TRIM37: variants seen among roughly 807,000 people sequenced by gnomAD.
TRIM37 encodes the protein E3 ubiquitin-protein ligase TRIM37.
In TRIM37, 80 loss-of-function variants were observed where a neutral mutation model predicts 129.8. The ratio of observed to expected loss-of-function variants is 0.62; its 90% CI spans 0.51 to 0.74. TRIM37 has a LOEUF of 0.74. Among genes scored for constraint, TRIM37 ranks in the 30% least tolerant of loss-of-function variants. The pLI, the probability that TRIM37 is intolerant of heterozygous loss-of-function variation, is 0.00. For synonymous variants in TRIM37, 389 were observed against 387.1 expected, an observed-to-expected ratio of 1.00 and a Z score of -0.06; for missense variants, 1,054 against 1,176.5, an observed-to-expected ratio of 0.90 and a Z score of 1.52.
intron 22 of TRIM37, among the ~76,000 whole-genome samples, chr17:59,002,599 C>G (rs1239665365): frequency 6.6e-6 from 1 of 152,080 alleles, no homozygotes; most frequent in African/African-American, 2.4e-5. Context: ...AGATAGCAAT[C>G]AAGAAAACCT....
rs137871131 is a variant in TRIM37 at position 58,988,222 on chromosome 17, G to A, written c.2892-5301C>T. Among the ~76,000 whole-genome samples the A allele has an allele frequency of 2.8e-3, 426 of 152,256 alleles. 2 individuals are homozygous for A. Among genetic ancestry groups the A allele is most frequent in the Middle Eastern group, 0.024 (7 of 294 alleles). On this transcript the variant is annotated intron_variant, in intron 24 of 24. Coordinates refer to the TRIM37 transcript ENST00000393066. The stretch of plus-strand genomic sequence containing the variant: ...GGGGCCTGCAGAAACTAGGGGAGTC[G>A]CCCTATCTTGCAGGCTTTTTCTTTA...
At chr17:59,017,759 AGATTACAGGC>A (rs1675296194) in intron 19 of TRIM37, among the ~76,000 whole-genome samples, 1 of 151,924 alleles carries the variant, frequency 6.6e-6, no homozygotes. Context: ...CGAGTAGCTC[AGATTACAGGC>A]ACTCGCCACC....
chr17:59,039,484 C>G (rs1455485039), intron 17 of TRIM37, among the ~76,000 whole-genome samples: 1 of 151,970 alleles, frequency 6.6e-6, no homozygotes, highest in African/African-American at 2.4e-5. Flanking sequence ...GTAGCTGGGA[C>G]TACAGGCGCC....
intron 18 of TRIM37, among the ~76,000 whole-genome samples, chr17:59,030,219 C>T (rs2037692240): frequency 6.6e-6 from 1 of 152,166 alleles, no homozygotes; most frequent in Admixed American, 6.5e-5. Flanking sequence ...CATTCTCCTG[C>T]CTCAGCTTCC....
Position 59,015,627 on chromosome 17 carries a change from C to T in TRIM37, c.2559G>A (p.Arg853=). 6.2e-7 allele frequency: 1 copy of T among 1,614,086 alleles called. No individual in the cohort carries two copies. The highest frequency in any genetic ancestry group is 8.5e-7 in the Non-Finnish European group (1 of 1,180,014). The change falls in exon 21 of 24, where the codon AGG becomes AGA. Residue 853 remains arginine (R), a synonymous_variant. Coordinates refer to ENST00000262294, the MANE Select transcript of TRIM37 (RefSeq NM_015294.6). The part of the protein sequence containing the change: ...FSGLPAVEKR[R]KMVTLGANAK... ...TAATTTACCCCAAGGTGACCATTTTCCTCCTTTTCTCAACCGCAGGCAAGC... is the reference window on the plus strand; with the variant it reads ...TAATTTACCCCAAGGTGACCATTTTTCTCCTTTTCTCAACCGCAGGCAAGC...
chr17:59,095,046 T>C (rs573810250), intron 2 of TRIM37, among the ~76,000 whole-genome samples: 1 of 151,938 alleles, frequency 6.6e-6, no homozygotes, highest in Non-Finnish European at 1.5e-5. Flanking sequence ...CAAGATACCA[T>C]CTCTACAATA....
chr17:58,977,214 G>A, the TRIM37 span, among the ~76,000 whole-genome samples: 1 of 152,068 alleles, frequency 6.6e-6, no homozygotes, highest in Admixed American at 6.6e-5. Flanking sequence ...AGAAGCCCAG[G>A]TGGGTAGATC....
At chr17:59,036,634 G>C (rs544374854) in intron 17 of TRIM37, among the ~76,000 whole-genome samples, 7 of 151,890 alleles carry the variant, frequency 4.6e-5, no homozygotes, top group Non-Finnish European at 2.9e-5. Context: ...AGCCAGTTGA[G>C]TCAATAAATA....
chr17:58,981,015 G>A (rs778281769), downstream of TRIM37: 1 of 1,590,294 alleles, frequency 6.3e-7, no homozygotes, highest in Non-Finnish European at 8.5e-7. Flanking sequence ...CTTCCTTGGA[G>A]CTATAAAATA....
chr17:58,999,124 T>C lies in TRIM37; in HGVS notation c.*253A>G. On this transcript the variant is annotated 3_prime_UTR_variant, in exon 24 of 24. Transcript: ENST00000262294. ...GCCTTTTGTGAATGTACAAATTTGCTAAATTAATAGAGAACTACATTGTTA... is the reference window on the plus strand; with the variant it reads ...GCCTTTTGTGAATGTACAAATTTGCCAAATTAATAGAGAACTACATTGTTA... The C allele has an allele frequency of 7.7e-7, 1 of 1,298,134 alleles. No individual in the cohort carries two copies. The highest frequency in any genetic ancestry group is 3.5e-5 in the East Asian group (1 of 28,294). 80.4% of individuals were successfully genotyped at this position (1,298,134 alleles called of 1,614,324 possible). A position where few individuals can be genotyped will look rare whatever the true frequency, so the allele number is the denominator to read the frequency against.
chr17:59,081,964 A>AAAAAAAAAAAAT (rs1568200247), intron 5 of TRIM37, among the ~76,000 whole-genome samples: 2 of 87,224 alleles, frequency 2.3e-5, no homozygotes. Flanking sequence ...AAAAAAAAAA[A>AAAAAAAAAAAAT]AATAATAATA....
At chr17:59,035,276 G>C (rs1040817743) in intron 17 of TRIM37, among the ~76,000 whole-genome samples, 1 of 151,704 alleles carries the variant, frequency 6.6e-6, no homozygotes, top group African/African-American at 2.4e-5. Context: ...GGCCAGGCTG[G>C]TCTTGAACTC....
the TRIM37 span, among the ~76,000 whole-genome samples, chr17:58,971,002 C>A: frequency 6.6e-6 from 1 of 151,914 alleles, no homozygotes; most frequent in African/African-American, 2.4e-5. Context: ...ACCATGTTTA[C>A]CTCATTTGTT....
chr17:59,037,532 C>T (rs950778234), intron 17 of TRIM37, among the ~76,000 whole-genome samples: 21 of 125,886 alleles, frequency 1.7e-4, no homozygotes, highest in South Asian at 5.3e-4. Context: ...CACTCCAGCC[C>T]GGGCAACAGA....
intron 16 of TRIM37, among the ~76,000 whole-genome samples, chr17:59,042,374 C>CAA (rs1409397122): frequency 2.4e-4 from 12 of 49,902 alleles, no homozygotes; most frequent in South Asian, 1.1e-3. Flanking sequence ...GACTCCATCT[C>CAA]AAAAAAAAAA....
intron 22 of TRIM37, among the ~76,000 whole-genome samples, chr17:59,009,915 CTAT>C (rs2035047464): frequency 6.6e-6 from 1 of 152,186 alleles, no homozygotes; most frequent in Admixed American, 6.5e-5. Flanking sequence ...CTTAGTATTA[CTAT>C]TATTTTTATT....
intron 18 of TRIM37, 87 bp downstream of exon 18, chr17:59,031,809 C>T (rs577117622): frequency 2.7e-5 from 36 of 1,342,492 alleles, no homozygotes; most frequent in African/African-American, 5.8e-5. Context: ...CCATGTTCCA[C>T]ACATAGCTGA....
rs935244400 is a variant in TRIM37, at chr17:58,992,723, A to C, written c.2891+6658T>G. ...TGGAACTTCCTTATGTAGGCATAAC[A>C]ATCATTGGCAATGAGTTGAACTGGG... On this transcript the variant is annotated intron_variant, in intron 24 of 24. Transcript: ENST00000393066. Among the ~76,000 whole-genome samples, 13 of 152,106 alleles carry C rather than the reference A, an allele frequency of 8.5e-5. 1 individual carries two copies. Among genetic ancestry groups the C allele is most frequent in the Admixed American group, 6.6e-4 (10 of 15,248 alleles).
chr17:58,972,332 A>G, the TRIM37 span: 6 of 1,530,602 alleles, frequency 3.9e-6, no homozygotes, highest in East Asian at 1.1e-4. Context: ...TAGATTTTCT[A>G]GTTATTGATT....
Sources: allele counts gnomAD v4.1 joint callset (sites outside exome capture counted in the v4.1 genomes callset), GRCh38; gene constraint gnomAD v4.1.1; transcripts MANE v1.5; gene names NCBI Gene and HGNC (gene_info 2026-07-23, HGNC 2026-07-21).